CLPB: variants seen among roughly 807,000 people sequenced by gnomAD.
CLPB encodes mitochondrial disaggregase.
Under a neutral mutation model 78.4 loss-of-function variants are expected in CLPB, and 40 were observed. That is an observed-to-expected ratio of 0.51 (90% CI 0.40 to 0.66). The LOEUF (loss-of-function observed/expected upper bound fraction) is 0.66. Among genes scored for constraint, CLPB ranks in the 30% least tolerant of loss-of-function variants. The probability of loss-of-function intolerance (pLI) is 0.00; values close to 1 mark genes in which losing one functional copy is unlikely to be tolerated. For synonymous variants in CLPB, 333 were observed against 348.0 expected (o/e 0.96, Z 0.48); for missense variants, 780 against 886.9 (o/e 0.88, Z 1.53).
At chr11:72,363,573 T>G (rs1275089966) in intron 4 of CLPB, 1 of 152,230 alleles carries the variant, frequency 6.6e-6, no homozygotes, top group African/African-American at 2.4e-5. Flanking sequence ...TATCATGTTT[T>G]AAAGTGTAGG....
intron 2 of CLPB, among the ~76,000 whole-genome samples, chr11:72,418,745 C>T (rs962384183): frequency 2.0e-5 from 3 of 151,630 alleles, no homozygotes; most frequent in African/African-American, 7.3e-5. Context: ...ATCCCAGCTA[C>T]TCTGGAGGCT....
chr11:72,300,791 T>C (rs1017676896), intron 11 of CLPB, among the ~76,000 whole-genome samples: 3 of 152,190 alleles, frequency 2.0e-5, no homozygotes, highest in Non-Finnish European at 2.9e-5. Context: ...CTAGCTAATA[T>C]AGCCCCTGCA....
chr11:72,302,025 G>C, intron 10 of CLPB, 61 bp from the exon 11 acceptor site: 1 of 1,566,248 alleles, frequency 6.4e-7, no homozygotes, highest in Non-Finnish European at 8.7e-7. Flanking sequence ...TCCAACATGG[G>C]GCATGCATGG....
intron 5 of CLPB, among the ~76,000 whole-genome samples, chr11:72,357,657 T>C (rs547813935): frequency 5.6e-5 from 8 of 141,658 alleles, no homozygotes; most frequent in Non-Finnish European, 9.0e-5. Flanking sequence ...GATTGTGCCA[T>C]TGCACTCCAG....
At chr11:72,344,640 C>T (rs1456700349) in intron 5 of CLPB, among the ~76,000 whole-genome samples, 1 of 152,118 alleles carries the variant, frequency 6.6e-6, no homozygotes, top group African/African-American at 2.4e-5. Flanking sequence ...TCCTTTCTCT[C>T]TCTAGGCATT....
At chr11:72,360,240 G>A (rs1590844952) in intron 4 of CLPB, among the ~76,000 whole-genome samples, 1 of 152,178 alleles carries the variant, frequency 6.6e-6, no homozygotes, top group Non-Finnish European at 1.5e-5. Flanking sequence ...CACAGGATCT[G>A]CAGAGGACAG....
chr11:72,293,153 G>C lies in CLPB; in HGVS notation c.*214C>G. 1.7e-6 allele frequency: 1 copy of C among 579,158 alleles called. No individual in the cohort carries two copies. Among genetic ancestry groups the C allele is most frequent in the Non-Finnish European group, 3.0e-6 (1 of 329,618 alleles). The allele number at this position is 579,158 out of a possible 1,614,324, so 35.9% of individuals were successfully genotyped here. A position where few individuals can be genotyped will look rare whatever the true frequency, so the allele number is the denominator to read the frequency against. On this transcript the variant is annotated 3_prime_UTR_variant, in exon 16 of 16. Coordinates refer to ENST00000538039, the MANE Select transcript of CLPB (RefSeq NM_001258392.3). The stretch of plus-strand genomic sequence containing the variant: ...TCCTCTCCTGAAGGCTTGTTAGCAG[G>C]TTATGGGCCCACAACAAAGGGGCCA...
At chr11:72,382,972 GA>G (rs770937438) in intron 3 of CLPB, among the ~76,000 whole-genome samples, 2 of 151,558 alleles carry the variant, frequency 1.3e-5, no homozygotes, top group South Asian at 4.2e-4. Context: ...ACAAAATAAG[GA>G]AAACAATAAA....
At chr11:72,408,093 C>T in intron 2 of CLPB, 8 of 1,528,216 alleles carry the variant, frequency 5.2e-6, no homozygotes, top group South Asian at 1.2e-5. Context: ...AAGGGCTCTA[C>T]AAACCTGAGG....
chr11:72,360,933 C>T (rs1046401660), intron 4 of CLPB, among the ~76,000 whole-genome samples: 1 of 152,158 alleles, frequency 6.6e-6, no homozygotes, highest in African/African-American at 2.4e-5. Context: ...CATAATGTCA[C>T]CCTCAATTTC....
chr11:72,347,742 A>T (rs1950542176), intron 5 of CLPB, among the ~76,000 whole-genome samples: 1 of 152,226 alleles, frequency 6.6e-6, no homozygotes, highest in Non-Finnish European at 1.5e-5. Context: ...TGAATATGTT[A>T]GGGGAATATG....
At chr11:72,367,318 C>T (rs1420684515) in intron 4 of CLPB, among the ~76,000 whole-genome samples, 1 of 152,168 alleles carries the variant, frequency 6.6e-6, no homozygotes, top group Non-Finnish European at 1.5e-5. Context: ...CGCGTGCCAC[C>T]ACACCAGGGT....
chr11:72,344,475 G>A (rs1230422287), intron 5 of CLPB, among the ~76,000 whole-genome samples: 2 of 152,060 alleles, frequency 1.3e-5, no homozygotes, highest in Admixed American at 1.3e-4. Context: ...GCCTCCCAAA[G>A]TGGTGGGATT....
intron 5 of CLPB, 43 bp downstream of exon 5, chr11:72,358,837 T>TTCCACTTCCCCCACCCCACCCCTCC (rs1950774710): frequency 2.1e-5 from 1 of 48,520 alleles, no homozygotes; most frequent in East Asian, 3.7e-4. Flanking sequence ...CCCACCCCTC[T>TTCCACTTCCCCCACCCCACCCCTCC]TCCACTTCCC....
intron 7 of CLPB, among the ~76,000 whole-genome samples, chr11:72,311,766 G>A (rs117498055): frequency 0.028 from 4,273 of 152,338 alleles, 105 homozygotes; most frequent in Non-Finnish European, 0.038. Context: ...GGCTAGAGAT[G>A]GTGTCAGGGC....
At chr11:72,307,508 C>T (rs1384596854) in intron 8 of CLPB, among the ~76,000 whole-genome samples, 1 of 152,160 alleles carries the variant, frequency 6.6e-6, no homozygotes, top group Non-Finnish European at 1.5e-5. Flanking sequence ...TAGCACCATC[C>T]TAAGAGTGAC....
chr11:72,312,608 CT>C lies in CLPB; in HGVS notation c.989-4005del, dbSNP rs1949867467. ...AATTGCAAGGGAGAAAGAACAGGTACTTCAACTCATTTTACAGAGAAGAGGA... is the reference window on the plus strand; with the variant it reads ...AATTGCAAGGGAGAAAGAACAGGTACTCAACTCATTTTACAGAGAAGAGGA... On this transcript the variant is annotated intron_variant, in intron 7 of 15. Transcript: ENST00000538039. The surrounding 1 kb of genome is among the most constrained non-coding windows in gnomAD (Gnocchi z 4.2). 6.6e-6 allele frequency among the ~76,000 whole-genome samples: 1 copy of C among 152,092 alleles called. No homozygotes were observed. The highest frequency in any genetic ancestry group is 6.5e-5 in the Admixed American group (1 of 15,276).
At chr11:72,430,509 G>A (rs1856514198) in intron 1 of CLPB, 146 bp from the exon 2 acceptor site, 12 of 646,652 alleles carry the variant, frequency 1.9e-5, no homozygotes, top group Admixed American at 5.8e-5. Context: ...AATGAGAAAC[G>A]AATCATTCCC....
chr11:72,427,534 G>A (rs11235496), intron 2 of CLPB, among the ~76,000 whole-genome samples: 6,924 of 152,194 alleles, frequency 0.045, 247 homozygotes, highest in Middle Eastern at 0.14. Flanking sequence ...CTCTTGTGAC[G>A]TTGTAACTGT....
Sources: allele counts gnomAD v4.1 joint callset (sites outside exome capture counted in the v4.1 genomes callset), GRCh38; gene constraint gnomAD v4.1.1; non-coding constraint Gnocchi (gnomAD v3.1); transcripts MANE v1.5; gene names NCBI Gene and HGNC (gene_info 2026-07-23, HGNC 2026-07-21).